CFAP77: variants seen among roughly 807,000 people sequenced by gnomAD.
CFAP77 encodes cilia and flagella associated protein 77.
A neutral mutation model predicts 31.1 loss-of-function variants in CFAP77; 25 were observed. The observed-to-expected ratio is 0.80, with a 90% CI of 0.59 to 1.12. The LOEUF is 1.12. CFAP77 is among the 50% of genes most tolerant of loss of function. The pLI is 0.00. For missense variants in CFAP77, 377 were observed against 397.3 expected (o/e 0.95, Z 0.44); for synonymous variants, 151 against 159.9 (o/e 0.94, Z 0.42).
intron 5 of CFAP77, among the ~76,000 whole-genome samples, chr9:132,549,120 C>T (rs953973587): frequency 6.6e-6 from 1 of 152,184 alleles, no homozygotes; most frequent in African/African-American, 2.4e-5. Flanking sequence ...AGCTCTCTTA[C>T]AAATCATAGC....
intron 3 of CFAP77, among the ~76,000 whole-genome samples, chr9:132,519,270 G>C (rs1389292443): frequency 9.2e-6 from 1 of 109,196 alleles, no homozygotes; most frequent in African/African-American, 3.4e-5. Context: ...ATGAGTGAGT[G>C]GGTGGGTGGA....
intron 1 of CFAP77, among the ~76,000 whole-genome samples, chr9:132,416,252 C>T (rs985682512): frequency 4.6e-5 from 7 of 150,962 alleles, no homozygotes. Context: ...CACAGTCACA[C>T]TCATCCAGTG....
At chr9:132,430,041 G>A (rs553028394) in intron 1 of CFAP77, among the ~76,000 whole-genome samples, 6 of 152,062 alleles carry the variant, frequency 3.9e-5, no homozygotes, top group African/African-American at 7.2e-5. Context: ...TCTGGTACAT[G>A]GGGTCTGCAC....
chr9:132,535,874 A>G (rs1251104666), intron 3 of CFAP77, among the ~76,000 whole-genome samples: 1 of 152,096 alleles, frequency 6.6e-6, no homozygotes, highest in Non-Finnish European at 1.5e-5. Context: ...ATTAGCAAAA[A>G]AACCATTTTT....
At chr9:132,464,677 A>G (rs1192522064) in intron 1 of CFAP77, among the ~76,000 whole-genome samples, 4 of 151,994 alleles carry the variant, frequency 2.6e-5, no homozygotes, top group African/African-American at 9.7e-5. Flanking sequence ...TGTACTTTAC[A>G]CTCACTGCAC....
intron 3 of CFAP77, among the ~76,000 whole-genome samples, chr9:132,502,632 T>C (rs754872108): frequency 1.3e-5 from 2 of 152,252 alleles, no homozygotes; most frequent in African/African-American, 2.4e-5. Context: ...TCGTGGTTCA[T>C]CCATGTTATA....
rs1208722945 is a variant in CFAP77 at position 132,554,784 on chromosome 9, A to G, written c.732+11737A>G. ...AAAGCAGAGATCTTCAGGGTGCCTG[A>G]ATCTTGGATGCATTCCTAAGGGCTG... On this transcript the variant is annotated intron_variant, in intron 5 of 5. Transcript: ENST00000393216. This position sits in a 1 kb window ranked among gnomAD's most constrained non-coding sequence, Gnocchi z 4.1. Among the ~76,000 whole-genome samples the G allele has an allele frequency of 6.6e-6, 1 of 152,206 alleles. No individual in the cohort carries two copies. Among genetic ancestry groups the G allele is most frequent in the African/African-American group, 2.4e-5 (1 of 41,448 alleles).
intron 1 of CFAP77, among the ~76,000 whole-genome samples, chr9:132,485,755 C>T (rs1851529870): frequency 6.6e-6 from 1 of 151,838 alleles, no homozygotes. Context: ...TCCGTTCCTT[C>T]AGAAAACAGC....
intron 1 of CFAP77, among the ~76,000 whole-genome samples, chr9:132,447,481 G>C (rs893593161): frequency 6.6e-6 from 1 of 152,192 alleles, no homozygotes; most frequent in Non-Finnish European, 1.5e-5. Context: ...GGCTGCCTGG[G>C]GTCTTGTCTT....
At chr9:132,471,451 C>A (rs912663294) in intron 1 of CFAP77, among the ~76,000 whole-genome samples, 2 of 151,998 alleles carry the variant, frequency 1.3e-5, no homozygotes, top group African/African-American at 2.4e-5. Flanking sequence ...GGACCCCCCC[C>A]CACCGTTGCC....
intron 1 of CFAP77, among the ~76,000 whole-genome samples, chr9:132,425,657 C>T (rs878943280): frequency 1.3e-5 from 2 of 152,088 alleles, no homozygotes; most frequent in Admixed American, 1.3e-4. Flanking sequence ...TTAAAGGCAG[C>T]AGCCTCTAAG....
rs1484500617 is a variant in CFAP77 at position 132,429,567 on chromosome 9, G to A, written c.195+19101G>A. Among the ~76,000 whole-genome samples the A allele has an allele frequency of 7.6e-5, 11 of 144,398 alleles. No individual in the cohort carries two copies. In the South Asian group the frequency reaches 8.9e-4, roughly 12 times the overall value. 94.7% of individuals were successfully genotyped at this position (144,398 alleles called of 152,430 possible). The stretch of plus-strand genomic sequence containing the variant: ...AAAAAAAAAAAAAAAAAAAAAGGCC[G>A]GGCCCAGTGGCTCATGCCTGTAATC... On this transcript the variant is annotated intron_variant, in intron 1 of 5. Transcript: ENST00000393216.
intron 1 of CFAP77, among the ~76,000 whole-genome samples, chr9:132,427,393 C>A (rs1850335188): frequency 6.6e-6 from 1 of 152,198 alleles, no homozygotes; most frequent in Admixed American, 6.5e-5. Context: ...CTTCTCCGGT[C>A]CTTCTCGGGT....
Position 132,438,898 on chromosome 9 carries a change from C to T in CFAP77, c.195+28432C>T, listed in dbSNP as rs151038202. Among the ~76,000 whole-genome samples, 788 of 147,886 alleles carry T rather than the reference C, an allele frequency of 5.3e-3. 6 individuals carry two copies. Among genetic ancestry groups the T allele is most frequent in the African/African-American group, 0.019 (761 of 40,008 alleles). On this transcript the variant is annotated intron_variant, in intron 1 of 5. Coordinates refer to ENST00000393216, the MANE Select transcript of CFAP77 (RefSeq NM_001282957.2). ...TTCTTTTCTTTTTTTTTTTCTGAGA[C>T]GGAATCTCACTTTGTTGCCCAGGCT...
chr9:132,518,180 C>A (rs917625516), intron 3 of CFAP77, among the ~76,000 whole-genome samples: 3 of 152,126 alleles, frequency 2.0e-5, no homozygotes, highest in African/African-American at 7.2e-5. Flanking sequence ...GAAGCCCTCA[C>A]AGCCCGAGTG....
Position 132,461,149 on chromosome 9 carries a change from A to G in CFAP77, c.196-37546A>G, listed in dbSNP as rs60698565. Among the ~76,000 whole-genome samples the G allele has an allele frequency of 8.8e-3, 1,346 of 152,350 alleles. 24 individuals are homozygous for G. Among genetic ancestry groups the G allele is most frequent in the African/African-American group, 0.031 (1,274 of 41,574 alleles). On this transcript the variant is annotated intron_variant, in intron 1 of 5. Coordinates refer to ENST00000393216, the MANE Select transcript of CFAP77 (RefSeq NM_001282957.2). ...GTGCCTGGCACAATAGCAAGTGCTG[A>G]ATGAAGGTTGGCTTTTAAGAACAGT... is the stretch of plus-strand genomic sequence containing the variant.
chr9:132,461,164 T>C (rs1851043739), intron 1 of CFAP77, among the ~76,000 whole-genome samples: 1 of 152,204 alleles, frequency 6.6e-6, no homozygotes, highest in Non-Finnish European at 1.5e-5. Context: ...AGGTTGGCTT[T>C]TAAGAACAGT....
intron 1 of CFAP77, among the ~76,000 whole-genome samples, chr9:132,425,411 C>T (rs1850296296): frequency 6.6e-6 from 1 of 152,088 alleles, no homozygotes; most frequent in South Asian, 2.1e-4. Context: ...TCTCTCAATG[C>T]TCCCCCCTCC....
chr9:132,548,002 G>A lies in CFAP77; in HGVS notation c.732+4955G>A, dbSNP rs775894689. Among the ~76,000 whole-genome samples the A allele has an allele frequency of 2.0e-5, 3 of 152,190 alleles. No homozygotes were observed. The South Asian group carries it at 6.2e-4, about 32-fold the overall frequency. On this transcript the variant is annotated intron_variant, in intron 5 of 5. Transcript: ENST00000393216. Reference sequence around the variant, plus strand: ...ACATCCTTCTGCCCAAAGATGGAGAGTGAGTGCCCCCAAAAGCTTATGGCC... The same window carrying A: ...ACATCCTTCTGCCCAAAGATGGAGAATGAGTGCCCCCAAAAGCTTATGGCC...
Sources: allele counts gnomAD v4.1 joint callset (sites outside exome capture counted in the v4.1 genomes callset), GRCh38; gene constraint gnomAD v4.1.1; non-coding constraint Gnocchi (gnomAD v3.1); transcripts MANE v1.5; gene names NCBI Gene and HGNC (gene_info 2026-07-23, HGNC 2026-07-21).